ATP8B3: variants seen among roughly 807,000 people sequenced by gnomAD.
ATP8B3 encodes the protein phospholipid-transporting ATPase IK.
In ATP8B3, 141 loss-of-function variants were observed where a neutral mutation model predicts 140.9. The ratio of observed to expected loss-of-function variants is 1.00; its 90% CI spans 0.87 to 1.15. ATP8B3 has a LOEUF of 1.15. ATP8B3 is among the 50% of genes most tolerant of loss of function. The pLI is 0.00. For missense variants in ATP8B3, 1,874 were observed against 1,740.6 expected (o/e 1.08, Z -1.36); for synonymous variants, 765 against 714.6 (o/e 1.07, Z -1.13).
intron 3 of ATP8B3, 48 bp from the exon 4 acceptor site, chr19:1,809,782 A>G (rs1260615160): frequency 1.3e-6 from 2 of 1,536,684 alleles, no homozygotes; most frequent in South Asian, 1.2e-5. Context: ...CCCAGGACAA[A>G]CACCCCTAAT....
intron 25 of ATP8B3, among the ~76,000 whole-genome samples, chr19:1,786,104 C>T (rs2068297069): frequency 6.6e-6 from 1 of 151,948 alleles, no homozygotes; most frequent in African/African-American, 2.4e-5. Context: ...TGCACTCCAG[C>T]CTGGGTGAGA....
In ATP8B3 at chr19:1,790,817, A is replaced by ATGTTCACAGCCGTTTC. The variant is rs2068482907; in HGVS notation, c.2303-1_2317dup (p.Ile773ArgfsTer26). 1 of 1,602,348 alleles carries ATGTTCACAGCCGTTTC rather than the reference A, an allele frequency of 6.2e-7. No individual in the cohort carries two copies. The highest frequency in any genetic ancestry group is 1.1e-5 in the South Asian group (1 of 88,906). On this transcript the variant is annotated frameshift_variant, in exon 21 of 29. Coordinates refer to ENST00000310127, the MANE Select transcript of ATP8B3 (RefSeq NM_138813.4). LOFTEE classifies it high-confidence loss of function. ...TGACAGCAGCTCGCAGGCGAAGCCG[A>ATGTTCACAGCCGTTTC]TGTTCACAGCCGTTTCTGCGAAGCA...
intron 2 of ATP8B3, 88 bp downstream of exon 2, chr19:1,811,401 T>C (rs941454854): frequency 2.7e-6 from 4 of 1,492,464 alleles, no homozygotes; most frequent in Non-Finnish European, 1.8e-6. Flanking sequence ...CGCCAGCAAC[T>C]GGCCCCCCAC....
Position 1,795,903 on chromosome 19 carries a change from A to T in ATP8B3, c.2027T>A (p.Met676Lys). 1.2e-6 allele frequency: 2 copies of T among 1,609,736 alleles called. No individual in the cohort carries two copies. The highest frequency in any genetic ancestry group is 1.7e-6 in the Non-Finnish European group (2 of 1,179,344). The change falls in exon 18 of 29, where the codon ATG becomes AAG. Residue 676 changes from methionine (M) to lysine (K), a missense_variant. Coordinates refer to ENST00000310127, the MANE Select transcript of ATP8B3 (RefSeq NM_138813.4). The stretch of plus-strand genomic sequence containing the variant: ...CAAGGCCTCCTCTGTGGCAAATTCC[A>T]TTGCCCCCCTCCTGTGCAAGCGTTC... ...IFERLHRRGA[M>K]EFATEEALAA... is the part of the protein sequence containing the mutation.
rs1165792916 is a variant in ATP8B3, at chr19:1,806,536, C to A, written c.677+92G>T. The A allele has an allele frequency of 4.6e-6, 7 of 1,529,762 alleles. No individual in the cohort carries two copies. The highest frequency in any genetic ancestry group is 5.3e-6 in the Non-Finnish European group (6 of 1,139,532). 94.8% of individuals were successfully genotyped at this position (1,529,762 alleles called of 1,614,324 possible). On this transcript the variant is annotated intron_variant, in intron 7 of 28. Transcript: ENST00000310127. This position sits in a 1 kb window ranked among gnomAD's most constrained non-coding sequence, Gnocchi z 5.6. ...CAACCAGCCGGGAGATCAGGGAGCA[C>A]GGAAGGTGATGGACACTTGCCGAGG... is the stretch of plus-strand genomic sequence containing the variant.
chr19:1,783,176 T>C lies in ATP8B3; in HGVS notation c.3755A>G (p.Tyr1252Cys). ...ATATCCCTCACGGTGGGAGAAAGCA[T>C]AGCTGGAACGGCGGGCACGAGACTC... ...HRESRARRSS[Y>C]AFSHREGYAN... Residue 1252 changes from tyrosine to cysteine, a missense_variant, in exon 29 of 29, where the codon TAT (tyrosine) becomes TGT (cysteine). Tyr to Cys is a radical substitution (Grantham distance 194). Coordinates refer to ENST00000310127, the MANE Select transcript of ATP8B3 (RefSeq NM_138813.4). 1 of 1,613,530 alleles carries C rather than the reference T, an allele frequency of 6.2e-7. No homozygotes were observed. Among genetic ancestry groups the C allele is most frequent in the Non-Finnish European group, 8.5e-7 (1 of 1,179,764 alleles).
At position 1,796,733 on chromosome 19, in the gene ATP8B3, C is replaced by T. The variant is rs1202839522; in HGVS notation, c.1731G>A (p.Arg577=). The T allele has an allele frequency of 6.2e-7, 1 of 1,611,528 alleles. No individual in the cohort carries two copies. The highest frequency in any genetic ancestry group is 8.5e-7 in the Non-Finnish European group (1 of 1,179,534). Residue 577 remains arginine, a synonymous_variant, in exon 16 of 29, where the codon CGG becomes CGA. Transcript: ENST00000310127. ...LLAICHTVMV[R]ESPRERPDQL... ...CACCTGGGCGCTCACGGGGGCTCTCCCGCACCATCACCGTGTGGCAGATGG... is the reference window on the plus strand; with the variant it reads ...CACCTGGGCGCTCACGGGGGCTCTCTCGCACCATCACCGTGTGGCAGATGG...
chr19:1,805,244 G>A lies in ATP8B3; in HGVS notation c.904+130C>T, dbSNP rs2068973681. 1 of 877,724 alleles carries A rather than the reference G, an allele frequency of 1.1e-6. No homozygotes were observed. Among genetic ancestry groups the A allele is most frequent in the Non-Finnish European group, 1.8e-6 (1 of 543,256 alleles). The allele number at this position is 877,724 out of a possible 1,614,324, so 54.4% of individuals were successfully genotyped here. A position where few individuals can be genotyped will look rare whatever the true frequency, so the allele number is the denominator to read the frequency against. On this transcript the variant is annotated intron_variant, in intron 10 of 28. Coordinates refer to ENST00000310127, the MANE Select transcript of ATP8B3 (RefSeq NM_138813.4). The surrounding 1 kb of genome is among the most constrained non-coding windows in gnomAD (Gnocchi z 5.2). Reference sequence around the variant, plus strand: ...CCTGCCTCAGCCTCCCAAAGTGCTGGGATTCCAGGTGTGAGCCACTGGGCC... The same window carrying A: ...CCTGCCTCAGCCTCCCAAAGTGCTGAGATTCCAGGTGTGAGCCACTGGGCC...
Position 1,786,818 on chromosome 19 carries a change from T to A in ATP8B3, c.3153+285A>T, listed in dbSNP as rs117820268. 1.1e-4 allele frequency among the ~76,000 whole-genome samples: 17 copies of A among 151,596 alleles called. No individual in the cohort carries two copies. The East Asian group carries it at 3.3e-3, about 30-fold the overall frequency. ...AACCTAGCAGAGTCATCTGCTCTGA[T>A]CCTCTCTCCCCATTGCATGGATGGG... On this transcript the variant is annotated intron_variant, in intron 25 of 28. Transcript: ENST00000310127.
intron 25 of ATP8B3, 107 bp from the exon 26 acceptor site, chr19:1,785,815 G>T: frequency 8.0e-7 from 1 of 1,250,862 alleles, no homozygotes; most frequent in South Asian, 1.5e-5. Flanking sequence ...TCTGTGTGTG[G>T]CTCTTTGAGT....
At chr19:1,797,292 C>T (rs2068710502) in intron 14 of ATP8B3, among the ~76,000 whole-genome samples, 1 of 150,376 alleles carries the variant, frequency 6.6e-6, no homozygotes, top group African/African-American at 2.5e-5. Flanking sequence ...CCCAGGGACC[C>T]CAAAAGGACA....
In ATP8B3 at chr19:1,797,154, A is replaced by G. The variant is rs968459725; in HGVS notation, c.1553-149T>C. The G allele has an allele frequency of 4.3e-5, 54 of 1,255,700 alleles. 1 individual carries two copies. The highest frequency in any genetic ancestry group is 5.1e-5 in the Non-Finnish European group (46 of 893,470). 77.8% of individuals were successfully genotyped at this position (1,255,700 alleles called of 1,614,324 possible). A position where few individuals can be genotyped will look rare whatever the true frequency, so the allele number is the denominator to read the frequency against. On this transcript the variant is annotated intron_variant, in intron 14 of 28. Transcript: ENST00000310127. ...GGCCCTGGAACCGACACCCCGAGCA[A>G]TCTTGGGGCGAAAGCTGACCTCAGT...
intron 25 of ATP8B3, among the ~76,000 whole-genome samples, chr19:1,786,187 C>T (rs1267174023): frequency 2.6e-5 from 4 of 152,124 alleles, no homozygotes; most frequent in African/African-American, 9.7e-5. Context: ...CTTGGCCACA[C>T]GAACGCACTA....
chr19:1,807,096 G>A lies in ATP8B3; in HGVS notation c.615+72C>T, dbSNP rs575150380. ...GAAGCCCAGCCCTCCTCCCACTCTCGCCCAGGGATCAAGAGACCCCCCCGA... is the reference window on the plus strand; with the variant it reads ...GAAGCCCAGCCCTCCTCCCACTCTCACCCAGGGATCAAGAGACCCCCCCGA... On this transcript the variant is annotated intron_variant, in intron 6 of 28. Coordinates refer to ENST00000310127, the MANE Select transcript of ATP8B3 (RefSeq NM_138813.4). The surrounding 1 kb of genome is among the most constrained non-coding windows in gnomAD (Gnocchi z 5.9). 331 of 1,378,658 alleles carry A rather than the reference G, an allele frequency of 2.4e-4. No individual in the cohort carries two copies. The highest frequency in any genetic ancestry group is 3.1e-4 in the Non-Finnish European group (304 of 973,726). 85.4% of individuals were successfully genotyped at this position (1,378,658 alleles called of 1,614,324 possible). A position where few individuals can be genotyped will look rare whatever the true frequency, so the allele number is the denominator to read the frequency against.
intron 18 of ATP8B3, among the ~76,000 whole-genome samples, chr19:1,793,799 G>A (rs987322828): frequency 1.3e-4 from 20 of 152,100 alleles, no homozygotes; most frequent in Non-Finnish European, 2.4e-4. Context: ...CTGGAGTGTA[G>A]TGGCGCGATC....
Position 1,791,746 on chromosome 19 carries a change from T to A in ATP8B3, c.2302+4A>T, listed in dbSNP as rs1463318439. The A allele has an allele frequency of 2.5e-6, 4 of 1,608,810 alleles. No individual in the cohort carries two copies. Among genetic ancestry groups the A allele is most frequent in the Non-Finnish European group, 3.4e-6 (4 of 1,177,900 alleles). ...TTAGCCACCCGGAGCTGCCCGGGACTCACCCTGCTTGTCCCCGGTGAGCAC... is the reference window on the plus strand; with the variant it reads ...TTAGCCACCCGGAGCTGCCCGGGACACACCCTGCTTGTCCCCGGTGAGCAC... On this transcript the variant is annotated splice_donor_region_variant and intron_variant, in intron 20 of 28. Transcript: ENST00000310127.
At position 1,800,218 on chromosome 19, in the gene ATP8B3, G is replaced by A. The variant is rs572587473; in HGVS notation, c.1343+41C>T. ...CTGTGTGCCATCCCCATGCCTCCCC[G>A]TTCCGCGTTTGCACCGGGGACGCAG... is the stretch of plus-strand genomic sequence containing the variant. On this transcript the variant is annotated intron_variant, in intron 13 of 28. Coordinates refer to ENST00000310127, the MANE Select transcript of ATP8B3 (RefSeq NM_138813.4). This position sits in a 1 kb window ranked among gnomAD's most constrained non-coding sequence, Gnocchi z 4.4. 23 of 1,600,996 alleles carry A rather than the reference G, an allele frequency of 1.4e-5. No homozygotes were observed. The highest frequency in any genetic ancestry group is 3.4e-5 in the Admixed American group (2 of 58,544).
intron 16 of ATP8B3, 87 bp from the exon 17 acceptor site, chr19:1,796,352 G>T: frequency 8.0e-7 from 1 of 1,255,860 alleles, no homozygotes. Context: ...TATCGCCTGG[G>T]CTACACCTTT....
At position 1,795,834 on chromosome 19, in the gene ATP8B3, C is replaced by G. The variant is rs920956515; in HGVS notation, c.2055+41G>C. 1.9e-5 allele frequency: 25 copies of G among 1,293,328 alleles called. No individual in the cohort carries two copies. In the East Asian group the frequency reaches 5.7e-4, roughly 29 times the overall value. The allele number at this position is 1,293,328 out of a possible 1,614,324, so 80.1% of individuals were successfully genotyped here. ...ACACACACACACACACACACACACA[C>G]ACACACACACACATAAGCCAGCCTT... On this transcript the variant is annotated intron_variant, in intron 18 of 28. Transcript: ENST00000310127.
Sources: allele counts gnomAD v4.1 joint callset (sites outside exome capture counted in the v4.1 genomes callset), GRCh38; gene constraint gnomAD v4.1.1; non-coding constraint Gnocchi (gnomAD v3.1); transcripts MANE v1.5; gene names NCBI Gene and HGNC (gene_info 2026-07-23, HGNC 2026-07-21).